The following LRR1 variants were observed in gnomAD, a reference collection of about 807,000 sequenced individuals.
LRR1 encodes the protein leucine rich repeat protein 1, also known as leucine-rich repeat protein 1.
In LRR1, 29 loss-of-function variants were observed where a neutral mutation model predicts 31.6. The observed-to-expected ratio is 0.92, with a 90% CI of 0.68 to 1.25. LRR1 has a LOEUF of 1.25. Among genes scored for constraint, LRR1 ranks in the 50% most tolerant of loss-of-function variants. The pLI is 0.00. For missense variants in LRR1, 485 were observed against 487.2 expected (o/e 1.00, Z 0.04); for synonymous variants, 179 against 181.4 (o/e 0.99, Z 0.10).
intron 3 of LRR1, among the ~76,000 whole-genome samples, chr14:49,609,858 C>T (rs965516080): frequency 6.6e-6 from 1 of 152,006 alleles, no homozygotes; most frequent in Non-Finnish European, 1.5e-5. Context: ...AAGCATGTGC[C>T]ACCACACACA....
At chr14:49,613,135 C>G (rs1204624356) in intron 3 of LRR1, among the ~76,000 whole-genome samples, 4 of 151,888 alleles carry the variant, frequency 2.6e-5, no homozygotes, top group African/African-American at 9.7e-5. Flanking sequence ...GTCAGGAGAT[C>G]GAGACCATCC....
chr14:49,608,102 C>A lies in LRR1; in HGVS notation c.985C>A (p.Arg329=). The change falls in exon 3 of 4, where the codon CGA becomes AGA. Residue 329 remains arginine (R), a synonymous_variant. Transcript: ENST00000298288. The part of the protein sequence containing the change: ...APLTLLESSA[R]TILHNRIPYG... ...ATTAACTTTATTGGAATCTTCTGCA[C>A]GAACCATATTACATAATAGGTAAGA... is the stretch of plus-strand genomic sequence containing the variant. 1 of 1,585,290 alleles carries A rather than the reference C, an allele frequency of 6.3e-7. No individual in the cohort carries two copies.
intron 1 of LRR1, chr14:49,601,110 G>A: frequency 6.2e-7 from 1 of 1,611,184 alleles, no homozygotes; most frequent in South Asian, 1.1e-5. Flanking sequence ...GCGTACAGGA[G>A]ATGGGCCATA....
rs1225994459 is a variant in LRR1, at chr14:49,614,431, G to A, written c.1180G>A (p.Ala394Thr). The A allele has an allele frequency of 2.5e-6, 4 of 1,613,786 alleles. No homozygotes were observed. Among genetic ancestry groups the A allele is most frequent in the African/African-American group, 2.7e-5 (2 of 74,894 alleles). ...AGTAGATAATTTGGGTGGTACTGAA[G>A]CACCTATTATCTCTTATTTCTGTTC... Reference protein sequence around the residue: ...VLVDNLGGTEAPIISYFCSLG... With the variant: ...VLVDNLGGTETPIISYFCSLG... The change falls in exon 4 of 4, where the codon GCA becomes ACA. Residue 394 changes from alanine (A) to threonine (T), a missense_variant. Ala to Thr is a moderately conservative substitution (Grantham distance 58). Around this residue, in one of 3 missense-constraint regions of LRR1, gnomAD observed 210 missense variants for 200.4 expected, o/e 1.05. Transcript: ENST00000298288.
chr14:49,608,899 CTTTTTTT>C (rs34457930), intron 3 of LRR1, among the ~76,000 whole-genome samples: 1 of 71,544 alleles, frequency 1.4e-5, no homozygotes, highest in Admixed American at 2.2e-4. Context: ...ACTTTAACCT[CTTTTTTT>C]TTTTTTTTTT....
chr14:49,599,951 G>T, intron 1 of LRR1: 1 of 1,499,398 alleles, frequency 6.7e-7, no homozygotes, highest in South Asian at 1.3e-5. Context: ...CGGGGCGGGG[G>T]CTCCGGGGGG....
chr14:49,607,410 G>T lies in LRR1; in HGVS notation c.293G>T (p.Ser98Ile), dbSNP rs771233643. The T allele has an allele frequency of 1.9e-5, 29 of 1,561,754 alleles. No homozygotes were observed. Among genetic ancestry groups the T allele is most frequent in the Non-Finnish European group, 2.4e-5 (28 of 1,157,966 alleles). ...CTTTTATTTATTCAGGCCATTTCCA[G>T]CAGTTTAAAAGGTTTCCTTTCAGCT... ...VDICLSKAISSSLKGFLSAMR... is the reference protein window; with the variant it reads ...VDICLSKAISISLKGFLSAMR... Residue 98 changes from serine to isoleucine, a missense_variant, in exon 3 of 4, where the codon AGC (serine) becomes ATC (isoleucine). Around this residue, in one of 3 missense-constraint regions of LRR1, gnomAD observed 260 missense variants for 249.6 expected, o/e 1.04. Coordinates refer to ENST00000298288, the MANE Select transcript of LRR1 (RefSeq NM_152329.4).
intron 3 of LRR1, 101 bp downstream of exon 3, chr14:49,608,222 C>G (rs1424865840): frequency 1.9e-5 from 23 of 1,230,328 alleles, no homozygotes; most frequent in Non-Finnish European, 2.4e-5. Flanking sequence ...CAGTGCTATG[C>G]ACAGTCTGAC....
chr14:49,601,816 TAAAAAAA>T, intron 1 of LRR1, among the ~76,000 whole-genome samples: 1 of 90,750 alleles, frequency 1.1e-5, no homozygotes, highest in South Asian at 4.5e-4. Flanking sequence ...TCCCAACTGC[TAAAAAAA>T]AAAAAAAAAA....
At chr14:49,602,271 C>T (rs1378333380) in intron 1 of LRR1, 99 bp from the exon 2 acceptor site, 23 of 982,326 alleles carry the variant, frequency 2.3e-5, no homozygotes, top group Non-Finnish European at 3.1e-5. Context: ...AAAAGCCAAA[C>T]CAAAGCCTGG....
At chr14:49,606,028 T>C (rs1882265633) in intron 2 of LRR1, among the ~76,000 whole-genome samples, 1 of 148,690 alleles carries the variant, frequency 6.7e-6, no homozygotes, top group Non-Finnish European at 1.5e-5. Flanking sequence ...AGCTTTTTTT[T>C]TTTTCTTTTT....
rs71408651 is a variant in LRR1, at chr14:49,608,406, ATTTTTTTTTTTTTTTTTTTTTTTTTTT to A, written c.1004+300_1004+326del. Among the ~76,000 whole-genome samples, 10 of 21,098 alleles carry A rather than the reference ATTTTTTTTTTTTTTTTTTTTTTTTTTT, an allele frequency of 4.7e-4. No homozygotes were observed. In the South Asian group the frequency reaches 0.017, roughly 36 times the overall value. The allele number at this position is 21,098 out of a possible 152,430, so 13.8% of individuals were successfully genotyped here. On this transcript the variant is annotated intron_variant, in intron 3 of 3. Transcript: ENST00000298288. The stretch of plus-strand genomic sequence containing the variant: ...ATTCCTTCCCTCCTTACATTGCTTG[ATTTTTTTTTTTTTTTTTTTTTTTTTTT>A]TTTTTTTTTTTTTTGGTCATAGGAC...
In LRR1 at chr14:49,608,406, A is replaced by ATTTTT. The variant is rs71408651; in HGVS notation, c.1004+322_1004+326dup. Among the ~76,000 whole-genome samples the ATTTTT allele has an allele frequency of 2.8e-3, 60 of 21,088 alleles. 5 individuals carry two copies. The highest frequency in any genetic ancestry group is 0.014 in the East Asian group (3 of 214). The allele number at this position is 21,088 out of a possible 152,430, so 13.8% of individuals were successfully genotyped here. The stretch of plus-strand genomic sequence containing the variant: ...ATTCCTTCCCTCCTTACATTGCTTG[A>ATTTTT]TTTTTTTTTTTTTTTTTTTTTTTTT... On this transcript the variant is annotated intron_variant, in intron 3 of 3. Coordinates refer to ENST00000298288, the MANE Select transcript of LRR1 (RefSeq NM_152329.4).
intron 2 of LRR1, among the ~76,000 whole-genome samples, chr14:49,602,828 T>TTTTGTTTG (rs749038139): frequency 6.6e-6 from 1 of 151,944 alleles, no homozygotes; most frequent in Non-Finnish European, 1.5e-5. Context: ...TGCTTGCTTT[T>TTTTGTTTG]TTTGTTTGTT....
intron 3 of LRR1, 138 bp downstream of exon 3, chr14:49,608,259 CT>C (rs1359514024): frequency 2.3e-6 from 2 of 875,598 alleles, no homozygotes; most frequent in Non-Finnish European, 3.2e-6. Context: ...CTTCTTGTTC[CT>C]TACCTCTGCT....
intron 1 of LRR1, chr14:49,600,911 A>C: frequency 6.8e-7 from 1 of 1,469,128 alleles, no homozygotes; most frequent in Non-Finnish European, 9.1e-7. Flanking sequence ...ACTACATAAA[A>C]AACAGAGCTG....
chr14:49,614,337 C>A lies in LRR1; in HGVS notation c.1086C>A (p.Phe362Leu). ...DTAKICVCGR[F>L]CLNSFIQGTT... is the part of the protein sequence containing the mutation. ...CAAAAATTTGTGTTTGTGGAAGATT[C>A]TGTCTGAACTCTTTCATTCAAGGAA... Residue 362 changes from phenylalanine to leucine, a missense_variant, in exon 4 of 4, where the codon TTC (phenylalanine) becomes TTA (leucine). Physicochemically the swap from Phe to Leu is conservative, Grantham distance 22 (BLOSUM62 0). Coordinates refer to ENST00000298288, the MANE Select transcript of LRR1 (RefSeq NM_152329.4). 2 of 1,613,914 alleles carry A rather than the reference C, an allele frequency of 1.2e-6. No individual in the cohort carries two copies. Among genetic ancestry groups the A allele is most frequent in the African/African-American group, 1.3e-5 (1 of 74,992 alleles).
At chr14:49,600,106 A>T in intron 1 of LRR1, 5 of 1,588,110 alleles carry the variant, frequency 3.1e-6, no homozygotes, top group Non-Finnish European at 3.5e-6. Flanking sequence ...CCGGAGGAGT[A>T]CGTGCCCACC....
rs1566489647 is a variant in LRR1, at chr14:49,599,102, G to A, written c.82G>A (p.Ala28Thr). ...GLRNRGKGVRAVLSLCQQTSR... is the reference protein window; with the variant it reads ...GLRNRGKGVRTVLSLCQQTSR... Reference sequence around the variant, plus strand: ...TAGGAACCGGGGCAAGGGCGTCCGAGCCGTGTTGAGCCTCTGTCAGCAGAC... The same window carrying A: ...TAGGAACCGGGGCAAGGGCGTCCGAACCGTGTTGAGCCTCTGTCAGCAGAC... Residue 28 changes from alanine (A) to threonine (T), a missense_variant, in exon 1 of 4, where the codon GCC becomes ACC. Physicochemically the swap from Ala to Thr is moderately conservative, Grantham distance 58. This residue lies in a region of LRR1 where 260 missense variants were observed against 249.6 expected (regional missense o/e 1.04). Transcript: ENST00000298288. 4 of 1,607,838 alleles carry A rather than the reference G, an allele frequency of 2.5e-6. No homozygotes were observed. The highest frequency in any genetic ancestry group is 1.1e-5 in the South Asian group (1 of 89,796).
Sources: gnomAD v4.1 joint callset for allele counts (sites outside exome capture counted in the v4.1 genomes callset) on GRCh38, gnomAD v4.1.1 for gene constraint, gnomAD v4.1.1 regional missense constraint, MANE v1.5 for transcripts, NCBI Gene and HGNC (gene_info 2026-07-23, HGNC 2026-07-21) for gene names.